Variants in TBC1D8 observed in about 807,000 individuals in gnomAD.
TBC1D8 encodes the protein BUB2-like protein 1.
A neutral mutation model predicts 118.8 loss-of-function variants in TBC1D8; 65 were observed. That is an observed-to-expected ratio of 0.55 (90% confidence interval 0.45 to 0.67). The LOEUF (loss-of-function observed/expected upper bound fraction) is 0.67, where lower values mean the gene tolerates loss of function less well. TBC1D8 is among the 30% of genes least tolerant of loss of function. The pLI is 0.00. For synonymous variants in TBC1D8, 566 were observed against 595.8 expected (o/e 0.95, Z 0.73); for missense variants, 1,376 against 1,471.2 (o/e 0.94, Z 1.06).
chr2:101,119,812 T>C (rs564129608), intron 1 of TBC1D8, among the ~76,000 whole-genome samples: 1 of 152,356 alleles, frequency 6.6e-6, no homozygotes, highest in African/African-American at 2.4e-5. Flanking sequence ...CTGCTGCCCC[T>C]TTCTTCTTTA....
intron 5 of TBC1D8, 135 bp downstream of exon 5, chr2:101,050,266 A>G: frequency 7.5e-7 from 1 of 1,339,830 alleles, no homozygotes; most frequent in Non-Finnish European, 1.0e-6. Context: ...CGACATACAA[A>G]AATCTGGATT....
intron 1 of TBC1D8, among the ~76,000 whole-genome samples, chr2:101,143,403 T>C (rs1227774693): frequency 1.3e-5 from 2 of 151,768 alleles, no homozygotes; most frequent in African/African-American, 4.8e-5. Context: ...AGCAGGAAAA[T>C]AATAAAATCC....
intron 1 of TBC1D8, among the ~76,000 whole-genome samples, chr2:101,127,354 G>C (rs1391857151): frequency 6.7e-6 from 1 of 149,904 alleles, no homozygotes; most frequent in Non-Finnish European, 1.5e-5. Context: ...AAAAAAAAGA[G>C]AAAGAAGGAA....
chr2:101,010,465 A>G (rs1372761417), intron 19 of TBC1D8, among the ~76,000 whole-genome samples: 1 of 152,220 alleles, frequency 6.6e-6, no homozygotes, highest in Non-Finnish European at 1.5e-5. Context: ...AGCGATTTGA[A>G]TATCTGAAGT....
chr2:101,115,936 A>G (rs1677798581), intron 1 of TBC1D8, among the ~76,000 whole-genome samples: 3 of 152,196 alleles, frequency 2.0e-5, no homozygotes, highest in Admixed American at 2.0e-4. Flanking sequence ...AGTCTTCATC[A>G]GGTAAGGCTG....
chr2:101,073,253 T>C (rs1187884368), intron 2 of TBC1D8, among the ~76,000 whole-genome samples: 3 of 144,554 alleles, frequency 2.1e-5, no homozygotes, highest in Non-Finnish European at 2.9e-5. Context: ...TTCATCTACA[T>C]TGTTTTATTT....
rs943087945 is a variant in TBC1D8 at position 101,090,425 on chromosome 2, G to C, written c.128-61C>G. ...CATGGGGCTGGCCAGCTCCTCATGC[G>C]TGTGAGGCATGTGGTCGCTGTCTGG... On this transcript the variant is annotated intron_variant, in intron 1 of 19. Transcript: ENST00000409318. 5.1e-6 allele frequency: 8 copies of C among 1,574,078 alleles called. No individual in the cohort carries two copies. In the Admixed American group the frequency reaches 8.7e-5, roughly 17 times the overall value.
At chr2:101,033,301 G>C in intron 10 of TBC1D8, 1 of 560,092 alleles carries the variant, frequency 1.8e-6, no homozygotes, top group South Asian at 1.8e-5. Flanking sequence ...ATTTTTAGTA[G>C]ATGGGGTTTC....
chr2:101,010,149 T>TAAAC (rs1223550572), intron 19 of TBC1D8, among the ~76,000 whole-genome samples: 1 of 152,178 alleles, frequency 6.6e-6, no homozygotes, highest in East Asian at 1.9e-4. Context: ...CTACATTTCC[T>TAAAC]AAACATTGGG....
chr2:101,123,063 G>C (rs1280174436), intron 1 of TBC1D8, among the ~76,000 whole-genome samples: 2 of 152,112 alleles, frequency 1.3e-5, no homozygotes, highest in East Asian at 3.8e-4. Flanking sequence ...CAAGTCTTAG[G>C]AATATATACC....
intron 5 of TBC1D8, among the ~76,000 whole-genome samples, chr2:101,044,481 A>G (rs1681578107): frequency 6.6e-6 from 1 of 152,220 alleles, no homozygotes. Context: ...CAACAAAGCC[A>G]CTGCTCACAG....
rs193171837 is a variant in TBC1D8, at chr2:101,130,211, C to T, written c.127+20916G>A. Among the ~76,000 whole-genome samples, 19 of 152,294 alleles carry T rather than the reference C, an allele frequency of 1.2e-4. No individual in the cohort carries two copies. The East Asian group carries it at 3.3e-3, about 26-fold the overall frequency. On this transcript the variant is annotated intron_variant, in intron 1 of 19. Transcript: ENST00000409318. The stretch of plus-strand genomic sequence containing the variant: ...GAGTCCACTTCATTCCAGTCACCTC[C>T]GGAAGGCTCCTGAGCTGCATCCCAA...
At chr2:101,074,991 G>T (rs1262580463) in intron 2 of TBC1D8, among the ~76,000 whole-genome samples, 1 of 152,166 alleles carries the variant, frequency 6.6e-6, no homozygotes, top group African/African-American at 2.4e-5. Flanking sequence ...AGGAGCCATG[G>T]CTATTTGAGG....
chr2:101,062,931 C>T (rs973598962), intron 2 of TBC1D8, among the ~76,000 whole-genome samples: 2 of 152,258 alleles, frequency 1.3e-5, no homozygotes, highest in South Asian at 4.2e-4. Context: ...TGAGCCACCG[C>T]GCCCAGCCCT....
rs749974121 is a variant in TBC1D8, at chr2:101,036,022, G to A, written c.1599C>T (p.Phe533=). ...CGAGACACCAAGAGCGCTTACCTGA[G>A]AAGAGAAGCCAGAGTCTCCCTCGCA... ...ESLRGRLWLL[F]SDAVTDLASH... The change falls in exon 9 of 20, where the codon TTC becomes TTT. Residue 533 remains phenylalanine (F), a synonymous_variant. Transcript: ENST00000409318. The A allele has an allele frequency of 9.9e-6, 16 of 1,613,998 alleles. No individual in the cohort carries two copies. The Admixed American group carries it at 2.5e-4, about 25-fold the overall frequency.
At chr2:101,041,583 T>C (rs1466915368) in intron 5 of TBC1D8, among the ~76,000 whole-genome samples, 1 of 152,142 alleles carries the variant, frequency 6.6e-6, no homozygotes, top group Non-Finnish European at 1.5e-5. Context: ...GGTTTCTTTT[T>C]CTTTTTGGGG....
At chr2:101,129,144 G>GC (rs1553424533) in intron 1 of TBC1D8, among the ~76,000 whole-genome samples, 8 of 151,778 alleles carry the variant, frequency 5.3e-5, no homozygotes, top group Non-Finnish European at 1.0e-4. Context: ...ATTTTGTTTT[G>GC]TTTTTTTTAA....
intron 1 of TBC1D8, among the ~76,000 whole-genome samples, chr2:101,096,796 G>GGAGA (rs139584234): frequency 0.18 from 26,107 of 146,400 alleles, 2,373 homozygotes; most frequent in East Asian, 0.26. Flanking sequence ...AGAGAGAGGG[G>GGAGA]GAGAGAGAGA....
At chr2:101,099,860 C>T (rs1468356377) in intron 1 of TBC1D8, among the ~76,000 whole-genome samples, 1 of 152,094 alleles carries the variant, frequency 6.6e-6, no homozygotes, top group Non-Finnish European at 1.5e-5. Flanking sequence ...TGGAACATAA[C>T]TCAAAATAAT....
Sources: gnomAD v4.1 joint callset for allele counts (sites outside exome capture counted in the v4.1 genomes callset) on GRCh38, gnomAD v4.1.1 for gene constraint, MANE v1.5 for transcripts, NCBI Gene and HGNC (gene_info 2026-07-23, HGNC 2026-07-21) for gene names.